PTPRT: variants seen among roughly 807,000 people sequenced by gnomAD.
PTPRT encodes the protein receptor-type tyrosine-protein phosphatase T.
In PTPRT, 56 loss-of-function variants were observed where a neutral mutation model predicts 176.8. That is an observed-to-expected ratio of 0.32 (90% CI 0.26 to 0.40). The LOEUF is 0.40. Ranked by LOEUF, PTPRT falls within the 10% of genes least tolerant of loss-of-function variation. The pLI is 1.00. For synonymous variants in PTPRT, 783 were observed against 739.0 expected, an observed-to-expected ratio of 1.06 and a Z score of -0.96; for missense variants, 1,540 against 1,908.2, an observed-to-expected ratio of 0.81 and a Z score of 3.60.
At chr20:42,169,120 A>G (rs995445624) in intron 16 of PTPRT, among the ~76,000 whole-genome samples, 1 of 152,212 alleles carries the variant, frequency 6.6e-6, no homozygotes, top group African/African-American at 2.4e-5. Flanking sequence ...CTGAGCTCAG[A>G]GAATCAAAGA....
the PTPRT span, among the ~76,000 whole-genome samples, chr20:42,059,817 C>T: frequency 4.6e-5 from 7 of 152,070 alleles, no homozygotes; most frequent in East Asian, 9.7e-4. Flanking sequence ...GTCCTAGTCC[C>T]TGGTTCTTAC....
intron 7 of PTPRT, among the ~76,000 whole-genome samples, chr20:42,644,627 G>C (rs1221758338): frequency 6.6e-6 from 1 of 152,050 alleles, no homozygotes; most frequent in Non-Finnish European, 1.5e-5. Context: ...CCTCATCTCT[G>C]GTCATGAGCC....
the PTPRT span, among the ~76,000 whole-genome samples, chr20:42,049,365 A>C: frequency 6.6e-6 from 1 of 152,208 alleles, no homozygotes; most frequent in Non-Finnish European, 1.5e-5. Flanking sequence ...ATTGGTCTGG[A>C]CTGCCAAGTC....
At chr20:42,859,189 CT>C (rs2078616407) in intron 2 of PTPRT, among the ~76,000 whole-genome samples, 1 of 152,156 alleles carries the variant, frequency 6.6e-6, no homozygotes, top group Non-Finnish European at 1.5e-5. Context: ...CAATGATTTC[CT>C]GGGCCAATCA....
intron 8 of PTPRT, among the ~76,000 whole-genome samples, chr20:42,471,439 G>A (rs2071196006): frequency 6.6e-6 from 1 of 152,104 alleles, no homozygotes; most frequent in Non-Finnish European, 1.5e-5. Flanking sequence ...TAAGTGTGTG[G>A]CACCGCCAAT....
At chr20:42,805,132 C>T (rs992155629) in intron 2 of PTPRT, among the ~76,000 whole-genome samples, 3 of 152,110 alleles carry the variant, frequency 2.0e-5, no homozygotes, top group Admixed American at 2.0e-4. Flanking sequence ...GGAAAATATT[C>T]TTTTTAACTA....
At chr20:42,181,936 A>G (rs1871300497) in intron 16 of PTPRT, among the ~76,000 whole-genome samples, 1 of 152,160 alleles carries the variant, frequency 6.6e-6, no homozygotes, top group Admixed American at 6.5e-5. Context: ...TTAGATAGAC[A>G]ATTTAGGGAA....
At chr20:43,162,852 A>C (rs1205344321) in intron 1 of PTPRT, among the ~76,000 whole-genome samples, 1 of 152,206 alleles carries the variant, frequency 6.6e-6, no homozygotes, top group African/African-American at 2.4e-5. Context: ...TCCTGCCAGA[A>C]ACCATCCCTG....
chr20:42,055,663 A>G, the PTPRT span, among the ~76,000 whole-genome samples: 1 of 152,000 alleles, frequency 6.6e-6, no homozygotes, highest in African/African-American at 2.4e-5. Context: ...CCCTGGGGAG[A>G]TGGTGCCAGG....
At chr20:42,065,720 T>A in the PTPRT span, among the ~76,000 whole-genome samples, 1 of 152,250 alleles carries the variant, frequency 6.6e-6, no homozygotes, top group Non-Finnish European at 1.5e-5. Context: ...GGTCAAGACT[T>A]GTCACATGAC....
intron 11 of PTPRT, among the ~76,000 whole-genome samples, chr20:42,323,976 T>G (rs1005160040): frequency 6.6e-6 from 1 of 152,070 alleles, no homozygotes; most frequent in Non-Finnish European, 1.5e-5. Context: ...CTTAAAAAGG[T>G]AAACATAAAA....
intron 1 of PTPRT, among the ~76,000 whole-genome samples, chr20:43,129,613 CTTTTTTTTTTT>C (rs869293740): frequency 4.9e-4 from 43 of 87,278 alleles, no homozygotes; most frequent in African/African-American, 2.0e-3. Context: ...CCAAAGAGTT[CTTTTTTTTTTT>C]TTTTTTTTTT....
chr20:42,352,596 G>C (rs1186108220), intron 9 of PTPRT, among the ~76,000 whole-genome samples: 2 of 152,170 alleles, frequency 1.3e-5, no homozygotes, highest in Non-Finnish European at 2.9e-5. Flanking sequence ...AGTACCGGGT[G>C]GGGGGATGGT....
chr20:43,046,635 G>C (rs1305141867), intron 1 of PTPRT, among the ~76,000 whole-genome samples: 1 of 152,046 alleles, frequency 6.6e-6, no homozygotes, highest in Non-Finnish European at 1.5e-5. Context: ...GGGGCATGCA[G>C]TTCTCCAGTG....
chr20:42,210,425 A>C (rs556313211), intron 15 of PTPRT, among the ~76,000 whole-genome samples: 32 of 152,158 alleles, frequency 2.1e-4, no homozygotes, highest in African/African-American at 7.7e-4. Flanking sequence ...AAATCTCCTT[A>C]AGCTGATAAG....
chr20:43,061,543 C>T (rs1987462108), intron 1 of PTPRT, among the ~76,000 whole-genome samples: 1 of 152,214 alleles, frequency 6.6e-6, no homozygotes, highest in Non-Finnish European at 1.5e-5. Flanking sequence ...CGAATGGGCT[C>T]TGGGCAGCTC....
At chr20:42,354,037 G>A (rs1401649179) in intron 9 of PTPRT, among the ~76,000 whole-genome samples, 1 of 151,782 alleles carries the variant, frequency 6.6e-6, no homozygotes, top group African/African-American at 2.4e-5. Flanking sequence ...CTGGGTGAGA[G>A]AGAGAGACCC....
intron 13 of PTPRT, among the ~76,000 whole-genome samples, chr20:42,257,325 A>T (rs991820168): frequency 6.6e-6 from 1 of 152,190 alleles, no homozygotes; most frequent in African/African-American, 2.4e-5. Flanking sequence ...AAGATATCTG[A>T]CCACATGCAA....
chr20:42,957,294 C>G (rs371341143), intron 1 of PTPRT, among the ~76,000 whole-genome samples: 93 of 152,236 alleles, frequency 6.1e-4, no homozygotes, highest in African/African-American at 2.1e-3. Context: ...CCCTCGTAAA[C>G]GTCACCTGCT....
Sources: allele counts gnomAD v4.1 joint callset (sites outside exome capture counted in the v4.1 genomes callset), GRCh38; gene constraint gnomAD v4.1.1; transcripts MANE v1.5; gene names NCBI Gene and HGNC (gene_info 2026-07-23, HGNC 2026-07-21).